The following PDS5B variants were observed in gnomAD, a reference collection of about 807,000 sequenced individuals.
PDS5B encodes sister chromatid cohesion protein PDS5 homolog B.
In PDS5B, 51 loss-of-function variants were observed where a neutral mutation model predicts 184.1. That is an observed-to-expected ratio of 0.28 (90% CI 0.22 to 0.35). PDS5B has a LOEUF of 0.35. Among genes scored for constraint, PDS5B ranks in the 10% least tolerant of loss-of-function variants. The pLI, the probability that PDS5B is intolerant of heterozygous loss-of-function variation, is 1.00. For missense variants in PDS5B, 1,180 were observed against 1,723.3 expected (o/e 0.68, Z 5.58); for synonymous variants, 566 against 569.2 (o/e 0.99, Z 0.08).
At chr13:32,753,810 T>G (rs1166558602) in intron 25 of PDS5B, among the ~76,000 whole-genome samples, 1 of 152,174 alleles carries the variant, frequency 6.6e-6, no homozygotes, top group Non-Finnish European at 1.5e-5. Context: ...TAGTAAAATT[T>G]GTACATTTAT....
At chr13:32,662,383 A>G (rs1950673641) in intron 6 of PDS5B, among the ~76,000 whole-genome samples, 1 of 152,162 alleles carries the variant, frequency 6.6e-6, no homozygotes, top group African/African-American at 2.4e-5. Flanking sequence ...ACTATAAATC[A>G]GGTAAACTGA....
At chr13:32,733,985 AACACACAC>A (rs148714647) in intron 20 of PDS5B, among the ~76,000 whole-genome samples, 27 of 141,972 alleles carry the variant, frequency 1.9e-4, no homozygotes, top group Admixed American at 7.6e-4. Context: ...CAAAAATTAA[AACACACAC>A]ACACACACAC....
intron 1 of PDS5B, among the ~76,000 whole-genome samples, chr13:32,643,863 A>T (rs1950159903): frequency 6.6e-6 from 1 of 152,188 alleles, no homozygotes; most frequent in Non-Finnish European, 1.5e-5. Flanking sequence ...TAAGTGATGT[A>T]TGACTATGCA....
At chr13:32,627,340 A>G (rs1729073790) in intron 1 of PDS5B, among the ~76,000 whole-genome samples, 2 of 152,220 alleles carry the variant, frequency 1.3e-5, no homozygotes, top group African/African-American at 4.8e-5. Flanking sequence ...AAATGGAGTC[A>G]ACTTTGTAGA....
chr13:32,629,094 C>G (rs972867280), intron 1 of PDS5B, among the ~76,000 whole-genome samples: 1 of 152,066 alleles, frequency 6.6e-6, no homozygotes, highest in Admixed American at 6.5e-5. Flanking sequence ...TGTGAACTTT[C>G]TTGACAAGAG....
At chr13:32,704,109 T>C (rs1440141670) in intron 17 of PDS5B, among the ~76,000 whole-genome samples, 2 of 152,242 alleles carry the variant, frequency 1.3e-5, no homozygotes, top group Non-Finnish European at 2.9e-5. Flanking sequence ...TTAATAGCTC[T>C]GCTTTTTTAC....
chr13:32,683,214 C>T (rs900179309), intron 10 of PDS5B, among the ~76,000 whole-genome samples: 7 of 151,794 alleles, frequency 4.6e-5, no homozygotes, highest in Admixed American at 4.6e-4. Context: ...GAGGTTTCAC[C>T]GTGTTGGCCA....
chr13:32,673,115 C>T, intron 7 of PDS5B, 101 bp from the exon 8 acceptor site: 3 of 1,041,368 alleles, frequency 2.9e-6, no homozygotes, highest in Non-Finnish European at 4.3e-6. Context: ...CCTAGTTTGA[C>T]TTTGTATAAA....
rs770573615 is a variant in PDS5B, at chr13:32,687,213, A to G, written c.1283A>G (p.Asp428Gly). 13 of 1,607,666 alleles carry G rather than the reference A, an allele frequency of 8.1e-6. No homozygotes were observed. Among genetic ancestry groups the G allele is most frequent in the Non-Finnish European group, 1.1e-5 (13 of 1,176,546 alleles). Residue 428 changes from aspartate to glycine, a missense_variant, in exon 12 of 35, where the codon GAT becomes GGT. Asp to Gly is a moderately conservative substitution (Grantham distance 94). Transcript: ENST00000315596. The part of the protein sequence containing the change: ...KYALQSAAGK[D>G]AAKQIAWIKD... ...GCTTTACAGTCAGCAGCTGGAAAAG[A>G]TGCTGCAAAACAGATAGCATGGATC...
chr13:32,706,041 GC>G (rs1951999945), intron 17 of PDS5B, among the ~76,000 whole-genome samples: 1 of 152,012 alleles, frequency 6.6e-6, no homozygotes, highest in Admixed American at 6.6e-5. Context: ...ACTTTGAGAG[GC>G]AAAGGCGGGC....
At chr13:32,745,876 T>A (rs929004856) in intron 23 of PDS5B, 101 bp from the exon 24 acceptor site, 80 of 953,108 alleles carry the variant, frequency 8.4e-5, no homozygotes, top group Non-Finnish European at 1.1e-4. Flanking sequence ...CATTTTTTTT[T>A]AAACTTTTTT....
chr13:32,746,202 G>A (rs2140982971), intron 24 of PDS5B, 102 bp downstream of exon 24: 3 of 1,009,638 alleles, frequency 3.0e-6, no homozygotes, highest in South Asian at 4.0e-5. Context: ...AATGTGTATG[G>A]TTTGTTTGTT....
In PDS5B at chr13:32,732,077, TTTTC is replaced by T; in HGVS notation, c.2124-20_2124-17del. On this transcript the variant is annotated intron_variant, in intron 19 of 34. Coordinates refer to ENST00000315596, the MANE Select transcript of PDS5B (RefSeq NM_015032.4). ...CTTGTTGATTTTTCTGGTTTATTGT[TTTTC>T]TTTGATTTTTTTTTAATAGAGCCTT... The T allele has an allele frequency of 1.3e-6, 2 of 1,581,004 alleles. No homozygotes were observed. The highest frequency in any genetic ancestry group is 1.7e-6 in the Non-Finnish European group (2 of 1,161,634).
chr13:32,698,483 C>A (rs953374009), intron 15 of PDS5B, among the ~76,000 whole-genome samples: 1 of 152,130 alleles, frequency 6.6e-6, no homozygotes, highest in Non-Finnish European at 1.5e-5. Context: ...CATTTATCTT[C>A]TATAAGTGAT....
chr13:32,611,349 T>G (rs1019970668), intron 1 of PDS5B, among the ~76,000 whole-genome samples: 20 of 152,158 alleles, frequency 1.3e-4, no homozygotes, highest in African/African-American at 4.8e-4. Flanking sequence ...TTTGGTTTAG[T>G]TAAGGTCCTT....
At chr13:32,598,150 A>G (rs2057910214) in intron 1 of PDS5B, among the ~76,000 whole-genome samples, 1 of 150,280 alleles carries the variant, frequency 6.7e-6, no homozygotes, top group African/African-American at 2.5e-5. Flanking sequence ...ATCTTGGCGC[A>G]CTGCAACCTC....
intron 1 of PDS5B, among the ~76,000 whole-genome samples, chr13:32,615,963 A>G (rs2058211859): frequency 1.3e-5 from 2 of 152,086 alleles, no homozygotes; most frequent in Admixed American, 1.3e-4. Context: ...AAAGTCAAAG[A>G]CTTCCTTGAT....
Position 32,775,298 on chromosome 13 carries a change from A to C in PDS5B, c.*246A>C, listed in dbSNP as rs1954922934. On this transcript the variant is annotated 3_prime_UTR_variant, in exon 35 of 35. Transcript: ENST00000315596. ...CGATGGCTATGTAGACATAAAGAAG[A>C]AACTTGTAAATATCTTTTTTCTTTT... 2 of 498,650 alleles carry C rather than the reference A, an allele frequency of 4.0e-6. No individual in the cohort carries two copies. Among genetic ancestry groups the C allele is most frequent in the Admixed American group, 7.3e-5 (2 of 27,372 alleles). 30.9% of individuals were successfully genotyped at this position (498,650 alleles called of 1,614,324 possible). A position where few individuals can be genotyped will look rare whatever the true frequency, so the allele number is the denominator to read the frequency against.
intron 24 of PDS5B, among the ~76,000 whole-genome samples, chr13:32,750,847 C>CTGTGTGTGTG (rs71194534): frequency 0.054 from 7,800 of 143,384 alleles, 245 homozygotes; most frequent in African/African-American, 0.067. Flanking sequence ...CGGCCTCCCT[C>CTGTGTGTGTG]TGTGTGTGTG....
Sources: allele counts gnomAD v4.1 joint callset (sites outside exome capture counted in the v4.1 genomes callset), GRCh38; gene constraint gnomAD v4.1.1; transcripts MANE v1.5; gene names NCBI Gene and HGNC (gene_info 2026-07-23, HGNC 2026-07-21).